Variants in FAM222B observed in about 807,000 individuals in gnomAD.
FAM222B encodes the protein family with sequence similarity 222 member B.
Under a neutral mutation model 38.0 loss-of-function variants are expected in FAM222B, and 12 were observed. That is an observed-to-expected ratio of 0.32 (90% confidence interval 0.20 to 0.51). The LOEUF is 0.51. FAM222B is among the 20% of genes least tolerant of loss of function. The probability of loss-of-function intolerance (pLI) is 0.97; values close to 1 mark genes in which losing one functional copy is unlikely to be tolerated. For missense variants in FAM222B, 716 were observed against 754.2 expected (o/e 0.95, Z 0.59); for synonymous variants, 329 against 317.2 (o/e 1.04, Z -0.40).
chr17:28,835,139 G>A (rs147676167), intron 1 of FAM222B, among the ~76,000 whole-genome samples: 1,652 of 151,742 alleles, frequency 0.011, 27 homozygotes, highest in African/African-American at 0.038. Flanking sequence ...TTCACCTCCC[G>A]GGTTCAAGCA....
At chr17:28,843,941 T>A (rs1440789494), upstream of FAM222B, among the ~76,000 whole-genome samples, 3 of 152,226 alleles carry the variant, frequency 2.0e-5, no homozygotes, top group African/African-American at 7.2e-5. Context: ...AAGCACATGC[T>A]GTTTATTGGA....
intron 1 of FAM222B, among the ~76,000 whole-genome samples, chr17:28,832,296 C>T (rs1470997134): frequency 6.6e-6 from 1 of 152,130 alleles, no homozygotes; most frequent in Non-Finnish European, 1.5e-5. Flanking sequence ...GTTTTACTTG[C>T]ACAGCTGTTC....
chr17:28,768,227 GA>G (rs1356224021), intron 1 of FAM222B, among the ~76,000 whole-genome samples: 1 of 152,146 alleles, frequency 6.6e-6, no homozygotes, highest in East Asian at 1.9e-4. Flanking sequence ...AGGAGTGGGG[GA>G]AAAGCTCAAA....
At chr17:28,791,610 G>A (rs1232077834) in intron 1 of FAM222B, among the ~76,000 whole-genome samples, 1 of 150,972 alleles carries the variant, frequency 6.6e-6, no homozygotes, top group African/African-American at 2.4e-5. Context: ...GCCAGGTGCA[G>A]TGGCTCATGA....
intron 1 of FAM222B, chr17:28,802,504 G>A (rs1444583246): frequency 6.5e-6 from 1 of 154,432 alleles, no homozygotes; most frequent in Admixed American, 6.5e-5. Context: ...CAACCAGGTG[G>A]TAACCCAAGA....
chr17:28,785,522 T>G (rs186134033), intron 1 of FAM222B, among the ~76,000 whole-genome samples: 47 of 152,214 alleles, frequency 3.1e-4, no homozygotes, highest in Admixed American at 1.6e-3. Context: ...TTGATGATGA[T>G]GATGATGAGG....
chr17:28,850,928 G>A (rs2039176549), intron 1 of FAM222B, among the ~76,000 whole-genome samples: 1 of 151,824 alleles, frequency 6.6e-6, no homozygotes, highest in Admixed American at 6.6e-5. Flanking sequence ...AGACAAGCCT[G>A]GCCAATATGG....
chr17:28,814,876 C>A (rs1237735622), intron 1 of FAM222B, among the ~76,000 whole-genome samples: 1 of 149,968 alleles, frequency 6.7e-6, no homozygotes, highest in Admixed American at 6.7e-5. Context: ...CGGGCTCAAG[C>A]GATTCTCCTG....
intron 1 of FAM222B, among the ~76,000 whole-genome samples, chr17:28,789,079 C>CAAAA (rs397857027): frequency 1.7e-4 from 11 of 63,406 alleles, no homozygotes; most frequent in African/African-American, 5.1e-4. Context: ...AAAGATACCT[C>CAAAA]AAAAAAAAAA....
In FAM222B at chr17:28,758,406, C is replaced by G. The variant is rs769746665; in HGVS notation, c.1553G>C (p.Ser518Thr). 6.2e-7 allele frequency: 1 copy of G among 1,613,924 alleles called. No individual in the cohort carries two copies. The highest frequency in any genetic ancestry group is 1.7e-5 in the Admixed American group (1 of 60,016). Residue 518 changes from serine (S) to threonine (T), a missense_variant, in exon 3 of 3, where the codon AGT becomes ACT. Transcript: ENST00000581407. ...NSLMQTVDYL[S>T]GDFQQACFRE... ...GAAGCAGGCCTGTTGGAAATCCCCA[C>G]TTAGGTAATCCACTGTTTGCATCAA...
chr17:28,849,681 T>C (rs1351764278), intron 1 of FAM222B: 1 of 152,124 alleles, frequency 6.6e-6, no homozygotes, highest in Non-Finnish European at 1.5e-5. Context: ...AGATGTTTTC[T>C]ACATTAAAGA....
chr17:28,812,016 TAA>T (rs2037791752), intron 1 of FAM222B: 1 of 151,988 alleles, frequency 6.6e-6, no homozygotes, highest in African/African-American at 2.4e-5. Context: ...TAAAAAGAGA[TAA>T]GAGTCCTGAA....
chr17:28,805,374 A>T (rs2037437943), intron 1 of FAM222B, among the ~76,000 whole-genome samples: 1 of 152,178 alleles, frequency 6.6e-6, no homozygotes, highest in Non-Finnish European at 1.5e-5. Context: ...GTCTCTACTG[A>T]AAATTCAAAA....
chr17:28,760,752 T>C (rs925567040), intron 2 of FAM222B, among the ~76,000 whole-genome samples: 1 of 152,150 alleles, frequency 6.6e-6, no homozygotes, highest in Non-Finnish European at 1.5e-5. Flanking sequence ...AGGGATCAGC[T>C]TTCCCTTGCA....
intron 1 of FAM222B, among the ~76,000 whole-genome samples, chr17:28,776,885 A>C (rs750062610): frequency 2.0e-5 from 3 of 152,180 alleles, no homozygotes; most frequent in Non-Finnish European, 4.4e-5. Context: ...GGGAAAAATA[A>C]GCAGTACCAA....
chr17:28,797,990 G>A (rs1255976059), intron 1 of FAM222B, among the ~76,000 whole-genome samples: 1 of 152,108 alleles, frequency 6.6e-6, no homozygotes, highest in Non-Finnish European at 1.5e-5. Flanking sequence ...CCCAGGGGTG[G>A]AGGCTGCAAG....
chr17:28,763,905 G>A (rs1472055746), intron 2 of FAM222B, among the ~76,000 whole-genome samples: 1 of 152,182 alleles, frequency 6.6e-6, no homozygotes, highest in Non-Finnish European at 1.5e-5. Flanking sequence ...CTAGGGGGCA[G>A]ATATGCACAT....
rs2034861336 is a variant in FAM222B at position 28,758,715 on chromosome 17, C to CA, written c.1243dup (p.Cys415LeufsTer49). The CA allele has an allele frequency of 6.3e-7, 1 of 1,593,350 alleles. No individual in the cohort carries two copies. Among genetic ancestry groups the CA allele is most frequent in the African/African-American group, 1.3e-5 (1 of 74,554 alleles). On this transcript the variant is annotated frameshift_variant, in exon 3 of 3. Transcript: ENST00000581407. LOFTEE classifies it high-confidence loss of function. ...CTTCAGATGGAAGGACTGCGCCAGG[C>CA]AGAGTTCCTGCGGGTAGGCAGGGGC...
chr17:28,847,497 G>A (rs1400102521), upstream of FAM222B, among the ~76,000 whole-genome samples: 1 of 151,958 alleles, frequency 6.6e-6, no homozygotes, highest in African/African-American at 2.4e-5. Context: ...CGGAGGCTAA[G>A]GCAGGACTAT....
Sources: gnomAD v4.1 joint callset for allele counts (sites outside exome capture counted in the v4.1 genomes callset) on GRCh38, gnomAD v4.1.1 for gene constraint, MANE v1.5 for transcripts, NCBI Gene and HGNC (gene_info 2026-07-23, HGNC 2026-07-21) for gene names.